DSCC1: variants seen among roughly 807,000 people sequenced by gnomAD.
The protein encoded by DSCC1 is sister chromatid cohesion protein DCC1.
In DSCC1, 32 loss-of-function variants were observed where a neutral mutation model predicts 48.2. The observed-to-expected ratio is 0.66, with a 90% CI of 0.50 to 0.89. The LOEUF is 0.89. Ranked by LOEUF, DSCC1 falls within the 40% of genes least tolerant of loss-of-function variation. DSCC1 has a pLI of 0.00. For synonymous variants in DSCC1, 150 were observed against 171.5 expected, an observed-to-expected ratio of 0.87 and a Z score of 0.98; for missense variants, 421 against 471.7, an observed-to-expected ratio of 0.89 and a Z score of 1.00.
At chr8:119,854,185 C>CTCCA (rs1419897925) in intron 1 of DSCC1, among the ~76,000 whole-genome samples, 6 of 152,250 alleles carry the variant, frequency 3.9e-5, no homozygotes, top group African/African-American at 1.4e-4. Context: ...TGCCACTGCA[C>CTCCA]TCCAGCCTGG....
Position 119,834,842 on chromosome 8 carries a change from C to T in DSCC1, c.*51G>A. ...AAAGTACAAGTTATTTTTCTTCTAT[C>T]CAGCAACTTTATAAAGCAACTTGAG... On this transcript the variant is annotated 3_prime_UTR_variant, in exon 9 of 9. Coordinates refer to ENST00000313655, the MANE Select transcript of DSCC1 (RefSeq NM_024094.3). 8.0e-7 allele frequency: 1 copy of T among 1,246,316 alleles called. No homozygotes were observed. Among genetic ancestry groups the T allele is most frequent in the Non-Finnish European group, 1.2e-6 (1 of 859,302 alleles). The allele number at this position is 1,246,316 out of a possible 1,614,324, so 77.2% of individuals were successfully genotyped here.
chr8:119,845,149 G>A (rs760110582), intron 4 of DSCC1, among the ~76,000 whole-genome samples: 30 of 151,746 alleles, frequency 2.0e-4, no homozygotes, highest in East Asian at 1.6e-3. Context: ...GTAGTGGCAC[G>A]ATCTCAGCTC....
At position 119,834,695 on chromosome 8, in the gene DSCC1, C is replaced by T; in HGVS notation, c.*198G>A. On this transcript the variant is annotated 3_prime_UTR_variant, in exon 9 of 9. Coordinates refer to ENST00000313655, the MANE Select transcript of DSCC1 (RefSeq NM_024094.3). Reference sequence around the variant, plus strand: ...CTTTTGTCCTTGTTTACACTGTGTACATAGTACAAATATAATTTTAAAGCT... The same window carrying T: ...CTTTTGTCCTTGTTTACACTGTGTATATAGTACAAATATAATTTTAAAGCT... The T allele has an allele frequency of 1.8e-6, 1 of 549,450 alleles. No individual in the cohort carries two copies. The highest frequency in any genetic ancestry group is 3.2e-6 in the Non-Finnish European group (1 of 310,270). 34.0% of individuals were successfully genotyped at this position (549,450 alleles called of 1,614,324 possible).
At chr8:119,851,844 C>T (rs1015943196) in intron 2 of DSCC1, among the ~76,000 whole-genome samples, 9 of 152,122 alleles carry the variant, frequency 5.9e-5, no homozygotes, top group African/African-American at 4.8e-5. Flanking sequence ...TAGCCAATCT[C>T]AGTACATAGA....
chr8:119,852,442 C>T (rs1034738897), intron 2 of DSCC1, among the ~76,000 whole-genome samples: 1 of 152,136 alleles, frequency 6.6e-6, no homozygotes, highest in African/African-American at 2.4e-5. Context: ...AAACCTCTGC[C>T]TCCTGGATTC....
At chr8:119,850,226 G>A (rs1826925155) in intron 3 of DSCC1, among the ~76,000 whole-genome samples, 156 bp downstream of exon 3, 1 of 152,138 alleles carries the variant, frequency 6.6e-6, no homozygotes, top group Admixed American at 6.5e-5. Flanking sequence ...ATTATACTAT[G>A]TGTGCTTTGG....
chr8:119,852,923 T>G (rs764363051), intron 2 of DSCC1, 124 bp downstream of exon 2: 15 of 858,712 alleles, frequency 1.7e-5, no homozygotes, highest in Non-Finnish European at 2.1e-5. Context: ...TCAAATTTCT[T>G]TAAAGAACTT....
At chr8:119,836,055 G>A (rs1222385943) in intron 8 of DSCC1, among the ~76,000 whole-genome samples, 3 of 152,206 alleles carry the variant, frequency 2.0e-5, no homozygotes, top group African/African-American at 4.8e-5. Flanking sequence ...GCTCATGCCT[G>A]TAATCCCAGC....
rs1404859409 is a variant in DSCC1, at chr8:119,838,341, G to A, written c.991C>T (p.Pro331Ser). The change falls in exon 8 of 9, where the codon CCT becomes TCT. Residue 331 changes from proline (P) to serine (S), a missense_variant. By Grantham distance (74) the Pro-to-Ser change is moderately conservative. This residue lies in a region of DSCC1 where 238 missense variants were observed against 259.0 expected (regional missense o/e 0.92). Transcript: ENST00000313655. Reference protein sequence around the residue: ...IIFLLKVDDLPEDNQERFNSL... With the variant: ...IIFLLKVDDLSEDNQERFNSL... ...TTAAAACGTTCCTGATTATCCTCAG[G>A]TAAATCATCTACTTTCAGCAAAAAT... 7.5e-6 allele frequency: 12 copies of A among 1,609,756 alleles called. No individual in the cohort carries two copies. The highest frequency in any genetic ancestry group is 1.0e-5 in the Non-Finnish European group (12 of 1,178,374).
Position 119,847,992 on chromosome 8 carries a change from T to A in DSCC1, c.487-912A>T, listed in dbSNP as rs78967212. On this transcript the variant is annotated intron_variant, in intron 3 of 8. Transcript: ENST00000313655. ...TTTTTGTTTTTGTTTTTGTTTTTTT[T>A]AAATACAGAGTCTCACTCTGCCATC... Among the ~76,000 whole-genome samples, 342 of 151,294 alleles carry A rather than the reference T, an allele frequency of 2.3e-3. 1 individual carries two copies. Among genetic ancestry groups the A allele is most frequent in the Middle Eastern group, 0.014 (4 of 294 alleles).
In DSCC1 at chr8:119,838,259, T is replaced by G. The variant is rs1826715241; in HGVS notation, c.1073A>C (p.Gln358Pro). ...WTEEDIAPYI[Q>P]DLCGEKQTIG... Reference sequence around the variant, plus strand: ...AATCCGTCTTTAATAAATTACTTACTGAATATATGGAGCAATATCTTCTTC... The same window carrying G: ...AATCCGTCTTTAATAAATTACTTACGGAATATATGGAGCAATATCTTCTTC... The change falls in exon 8 of 9, where the codon CAA (glutamine) becomes CCA (proline). Residue 358 changes from glutamine (Q) to proline (P), a missense_variant and splice_region_variant. Physicochemically the swap from Gln to Pro is moderately conservative, Grantham distance 76. This residue lies in a region of DSCC1 where 238 missense variants were observed against 259.0 expected (regional missense o/e 0.92). Coordinates refer to ENST00000313655, the MANE Select transcript of DSCC1 (RefSeq NM_024094.3). 6.4e-7 allele frequency: 1 copy of G among 1,563,864 alleles called. No individual in the cohort carries two copies. The highest frequency in any genetic ancestry group is 8.6e-7 in the Non-Finnish European group (1 of 1,161,478).
chr8:119,850,215 C>A (rs1826924965), intron 3 of DSCC1, among the ~76,000 whole-genome samples, 167 bp downstream of exon 3: 1 of 152,074 alleles, frequency 6.6e-6, no homozygotes, highest in Admixed American at 6.6e-5. Context: ...ATATGGGGGT[C>A]ATTATACTAT....
At chr8:119,842,916 G>A (rs1007553716) in intron 5 of DSCC1, 88 bp from the exon 6 acceptor site, 1 of 1,083,266 alleles carries the variant, frequency 9.2e-7, no homozygotes, top group Non-Finnish European at 1.3e-6. Context: ...AATTAAGAAA[G>A]AAATTTGAGA....
At chr8:119,835,321 G>A (rs974008295) in intron 8 of DSCC1, among the ~76,000 whole-genome samples, 1 of 151,972 alleles carries the variant, frequency 6.6e-6, no homozygotes, top group Non-Finnish European at 1.5e-5. Context: ...CCTGGCCAAC[G>A]TAGTGAAACC....
At chr8:119,842,712 G>T (rs1330647658) in intron 6 of DSCC1, 64 bp downstream of exon 6, 2 of 1,460,944 alleles carry the variant, frequency 1.4e-6, no homozygotes, top group African/African-American at 1.4e-5. Context: ...ACACCGACAG[G>T]CTTTAGAAAG....
Position 119,843,616 on chromosome 8 carries a change from C to A in DSCC1, c.709G>T (p.Glu237Ter). The change falls in exon 5 of 9, where the codon GAG (glutamate) becomes TAG (stop). Residue 237 changes from glutamate (E) to a stop codon, truncating the protein, a stop_gained. Coordinates refer to ENST00000313655, the MANE Select transcript of DSCC1 (RefSeq NM_024094.3). LOFTEE classifies it high-confidence loss of function. ...AGAAATTAAAATACTTACTCTGGCT[C>A]CAATGGTCCGAGTTCCTGAAGGCAT... ...NTCLQELGPL[E>*]PEEMIEHCLK... 1 of 1,608,822 alleles carries A rather than the reference C, an allele frequency of 6.2e-7. No individual in the cohort carries two copies. Among genetic ancestry groups the A allele is most frequent in the Non-Finnish European group, 8.5e-7 (1 of 1,178,888 alleles).
At chr8:119,855,511 G>C in intron 1 of DSCC1, 103 bp downstream of exon 1, 2 of 1,421,746 alleles carry the variant, frequency 1.4e-6, no homozygotes, top group Non-Finnish European at 1.8e-6. Context: ...CCCCCGGCCA[G>C]GTCAGTGCAT....
chr8:119,843,793 T>G, intron 4 of DSCC1, 46 bp from the exon 5 acceptor site: 1 of 1,536,856 alleles, frequency 6.5e-7, no homozygotes. Context: ...TTTTTTTTTT[T>G]AAGGCAGGGT....
chr8:119,852,545 G>C (rs182412224), intron 2 of DSCC1, among the ~76,000 whole-genome samples: 17 of 152,086 alleles, frequency 1.1e-4, no homozygotes, highest in African/African-American at 3.9e-4. Context: ...AGTAGAGACA[G>C]GGTTTTACCG....
Sources: allele counts gnomAD v4.1 joint callset (sites outside exome capture counted in the v4.1 genomes callset), GRCh38; gene constraint gnomAD v4.1.1; regional missense constraint gnomAD v4.1.1; transcripts MANE v1.5; gene names NCBI Gene and HGNC (gene_info 2026-07-23, HGNC 2026-07-21).